Variants in RNF38 observed in about 807,000 individuals in gnomAD.
RNF38 encodes ring finger protein 38.
Under a neutral mutation model 67.2 loss-of-function variants are expected in RNF38, and 15 were observed. The ratio of observed to expected loss-of-function variants is 0.22; its 90% CI spans 0.15 to 0.34. RNF38 has a LOEUF of 0.34. Ranked by LOEUF, RNF38 falls within the 10% of genes least tolerant of loss-of-function variation. RNF38 has a pLI of 1.00. For missense variants in RNF38, 524 were observed against 639.9 expected (o/e 0.82, Z 1.95); for synonymous variants, 220 against 218.8 (o/e 1.01, Z -0.05).
chr9:36,337,015 C>T lies in RNF38; in HGVS notation c.*2737G>A, dbSNP rs1184655991. On this transcript the variant is annotated 3_prime_UTR_variant, in exon 12 of 12. Transcript: ENST00000259605. ...AAAACACCAAAGATGACAATTCATG[C>T]CAAAAAACAAACAAGAACCCACAAA... The T allele has an allele frequency of 6.6e-6, 1 of 151,932 alleles. No individual in the cohort carries two copies. The highest frequency in any genetic ancestry group is 1.5e-5 in the Non-Finnish European group (1 of 68,006). The allele number at this position is 151,932 out of a possible 1,614,324, so 9.4% of individuals were successfully genotyped here. A position where few individuals can be genotyped will look rare whatever the true frequency, so the allele number is the denominator to read the frequency against.
At position 36,361,907 on chromosome 9, in the gene RNF38, ATG is replaced by A. The variant is rs368294264; in HGVS notation, c.571-3967_571-3966del. On this transcript the variant is annotated intron_variant, in intron 4 of 11. Coordinates refer to ENST00000259605, the MANE Select transcript of RNF38 (RefSeq NM_022781.5). Reference sequence around the variant, plus strand: ...CCCTAAACACTACCACTTAATCCCTATGGGTTAACTGCAAGACATATGATGCA... The same window carrying A: ...CCCTAAACACTACCACTTAATCCCTAGGTTAACTGCAAGACATATGATGCA... 1.3e-3 allele frequency among the ~76,000 whole-genome samples: 202 copies of A among 152,272 alleles called. 3 individuals carry two copies. The South Asian group carries it at 0.039, about 29-fold the overall frequency.
intron 4 of RNF38, among the ~76,000 whole-genome samples, chr9:36,367,426 TTAA>T (rs532414407): frequency 1.9e-3 from 296 of 152,324 alleles, no homozygotes; most frequent in Non-Finnish European, 3.7e-3. Context: ...CTTGCGCCTA[TTAA>T]TATTTTTCCT....
chr9:36,357,874 G>A lies in RNF38; in HGVS notation c.639C>T (p.Cys213=). 1 of 1,613,896 alleles carries A rather than the reference G, an allele frequency of 6.2e-7. No individual in the cohort carries two copies. Among genetic ancestry groups the A allele is most frequent in the Non-Finnish European group, 8.5e-7 (1 of 1,179,826 alleles). The part of the protein sequence containing the change: ...TTVAPHGIPL[C]TGQHIPACST... ...TACAAGCAGGGATGTGCTGGCCTGTGCAGAGTGGAATCCCATGTGGTGCCA... is the reference window on the plus strand; with the variant it reads ...TACAAGCAGGGATGTGCTGGCCTGTACAGAGTGGAATCCCATGTGGTGCCA... Residue 213 remains cysteine (C), a synonymous_variant, in exon 5 of 12, where the codon TGC becomes TGT. Coordinates refer to ENST00000259605, the MANE Select transcript of RNF38 (RefSeq NM_022781.5).
chr9:36,369,649 CAAA>C (rs34904529), intron 4 of RNF38, 67 bp downstream of exon 4: 128 of 1,104,536 alleles, frequency 1.2e-4, no homozygotes, highest in South Asian at 1.8e-4. Context: ...AACAAAAAGC[CAAA>C]AAAAAAAAAT....
chr9:36,384,429 CA>C (rs1836442680), intron 2 of RNF38, among the ~76,000 whole-genome samples: 1 of 152,062 alleles, frequency 6.6e-6, no homozygotes, highest in African/African-American at 2.4e-5. Flanking sequence ...AATTGCCCCT[CA>C]AAAGTTTATG....
chr9:36,418,009 T>C (rs781065723), intron 2 of RNF38, among the ~76,000 whole-genome samples: 3 of 151,850 alleles, frequency 2.0e-5, no homozygotes, highest in African/African-American at 7.3e-5. Context: ...GGAGAGAAAC[T>C]GAATAGAGTG....
intron 3 of RNF38, chr9:36,372,571 C>G (rs1205140663): frequency 1.3e-5 from 9 of 715,532 alleles, no homozygotes; most frequent in Non-Finnish European, 1.8e-5. Context: ...GGGAGAAAAT[C>G]TGGCAATATG....
Position 36,382,671 on chromosome 9 carries a change from T to C in RNF38, c.163-6544A>G, listed in dbSNP as rs553305554. 9.8e-5 allele frequency among the ~76,000 whole-genome samples: 15 copies of C among 152,330 alleles called. No individual in the cohort carries two copies. In the South Asian group the frequency reaches 2.9e-3, roughly 29 times the overall value. ...ACATGCCTCTAATGGCAACCACTAGTGAGCCCTAAGGACTTCCTTCCCAAA... is the reference window on the plus strand; with the variant it reads ...ACATGCCTCTAATGGCAACCACTAGCGAGCCCTAAGGACTTCCTTCCCAAA... On this transcript the variant is annotated intron_variant, in intron 2 of 11. Transcript: ENST00000259605.
At chr9:36,443,040 A>G (rs7859455) in intron 1 of RNF38, among the ~76,000 whole-genome samples, 7,766 of 152,286 alleles carry the variant, frequency 0.051, 600 homozygotes, top group African/African-American at 0.17. Context: ...GTGAACCTAG[A>G]AGAAAAGAGG....
At chr9:36,379,440 T>C (rs1380707804) in intron 2 of RNF38, among the ~76,000 whole-genome samples, 1 of 152,036 alleles carries the variant, frequency 6.6e-6, no homozygotes, top group Non-Finnish European at 1.5e-5. Flanking sequence ...TGCTAAAAGT[T>C]CTCTGAGGGA....
At chr9:36,393,517 G>A (rs1564036210) in intron 1 of RNF38, among the ~76,000 whole-genome samples, 1 of 143,068 alleles carries the variant, frequency 7.0e-6, no homozygotes, top group East Asian at 2.0e-4. Context: ...GTGTGTGTGT[G>A]TGTGTGGGGC....
intron 2 of RNF38, among the ~76,000 whole-genome samples, chr9:36,380,435 G>A (rs1036977779): frequency 7.2e-5 from 11 of 152,096 alleles, no homozygotes; most frequent in South Asian, 2.1e-4. Context: ...CCTGACCTCA[G>A]GTGATCTGCC....
chr9:36,470,358 T>C (rs1839968237), intron 1 of RNF38, among the ~76,000 whole-genome samples: 1 of 152,148 alleles, frequency 6.6e-6, no homozygotes, highest in Non-Finnish European at 1.5e-5. Flanking sequence ...ATCCACACAG[T>C]GTCTGAGTGG....
intron 1 of RNF38, among the ~76,000 whole-genome samples, chr9:36,449,909 C>T (rs1043189690): frequency 8.5e-5 from 13 of 152,136 alleles, no homozygotes; most frequent in Admixed American, 5.2e-4. Context: ...TTTGGAAGCT[C>T]ACTGATTTAA....
At chr9:36,471,818 C>T (rs1840005600) in intron 1 of RNF38, among the ~76,000 whole-genome samples, 1 of 152,166 alleles carries the variant, frequency 6.6e-6, no homozygotes, top group Non-Finnish European at 1.5e-5. Flanking sequence ...TGGTCTCAAA[C>T]ATCTGGCCTC....
chr9:36,416,434 T>C (rs1297034610), intron 2 of RNF38, among the ~76,000 whole-genome samples: 2 of 152,074 alleles, frequency 1.3e-5, no homozygotes, highest in African/African-American at 4.8e-5. Flanking sequence ...GGCTGAGATT[T>C]TGCCCCAGGC....
intron 1 of RNF38, among the ~76,000 whole-genome samples, chr9:36,434,317 G>A (rs1358900385): frequency 7.8e-6 from 1 of 127,974 alleles, no homozygotes; most frequent in African/African-American, 3.0e-5. Context: ...AGGAGGGGGA[G>A]GGGGATGGGG....
intron 2 of RNF38, among the ~76,000 whole-genome samples, chr9:36,423,630 TGG>T (rs1317364467): frequency 1.3e-5 from 2 of 152,168 alleles, no homozygotes; most frequent in African/African-American, 4.8e-5. Flanking sequence ...CTGCAAGGGC[TGG>T]GCCGTCAAGC....
At chr9:36,401,257 C>A, upstream of RNF38, 2 of 983,338 alleles carry the variant, frequency 2.0e-6, no homozygotes, top group Non-Finnish European at 2.4e-6. Context: ...CGGACCAGTT[C>A]CGGCAACAGA....
Sources: gnomAD v4.1 joint callset for allele counts (sites outside exome capture counted in the v4.1 genomes callset) on GRCh38, gnomAD v4.1.1 for gene constraint, MANE v1.5 for transcripts, NCBI Gene and HGNC (gene_info 2026-07-23, HGNC 2026-07-21) for gene names.